The following NOSTRIN variants were observed in gnomAD, a reference collection of about 807,000 sequenced individuals.
The protein encoded by NOSTRIN is BM247 homolog.
NOSTRIN carries 63 observed loss-of-function variants against 59.0 expected under a neutral mutation model. That is an observed-to-expected ratio of 1.07 (90% CI 0.87 to 1.32). The LOEUF is 1.32. Ranked by LOEUF, NOSTRIN falls within the 40% of genes most tolerant of loss-of-function variation. The pLI is 0.00. For synonymous variants in NOSTRIN, 200 were observed against 165.4 expected, an observed-to-expected ratio of 1.21 and a Z score of -1.61; for missense variants, 512 against 473.1, an observed-to-expected ratio of 1.08 and a Z score of -0.76.
At chr2:168,826,921 G>C (rs191772218) in intron 3 of NOSTRIN, among the ~76,000 whole-genome samples, 8 of 152,000 alleles carry the variant, frequency 5.3e-5, no homozygotes, top group Admixed American at 4.6e-4. Flanking sequence ...CCTGCTTCCT[G>C]TCAATAGAGA....
chr2:168,825,213 C>A (rs191052521), intron 3 of NOSTRIN, among the ~76,000 whole-genome samples: 43 of 152,312 alleles, frequency 2.8e-4, no homozygotes, highest in African/African-American at 7.7e-4. Flanking sequence ...CCCATTTAAT[C>A]CTCATAAGAA....
At chr2:168,826,055 T>C (rs1297608036) in intron 3 of NOSTRIN, among the ~76,000 whole-genome samples, 1 of 152,246 alleles carries the variant, frequency 6.6e-6, no homozygotes, top group Non-Finnish European at 1.5e-5. Context: ...AAATTTATCT[T>C]ACCTCTCAAG....
intron 2 of NOSTRIN, chr2:168,818,300 T>A: frequency 2.8e-6 from 1 of 360,382 alleles, no homozygotes. Flanking sequence ...ACTGCAGGTG[T>A]GTGCCACTGC....
intron 6 of NOSTRIN, among the ~76,000 whole-genome samples, chr2:168,831,810 G>A (rs1687377426): frequency 6.6e-6 from 1 of 152,126 alleles, no homozygotes. Flanking sequence ...ATGTCATTGT[G>A]CATTGCCCCA....
intron 2 of NOSTRIN, among the ~76,000 whole-genome samples, chr2:168,823,165 A>C (rs1179811853): frequency 6.6e-6 from 1 of 152,052 alleles, no homozygotes; most frequent in Admixed American, 6.5e-5. Context: ...TACAGGCGTG[A>C]GCCACCACAC....
In NOSTRIN at chr2:168,854,281, T is replaced by G. The variant is rs552137670; in HGVS notation, c.856-1071T>G. Reference sequence around the variant, plus strand: ...CCTTTGCTCTAAATCCTCACACTTCTTGTTTGTGAAGCTCCATCTAAAGGT... The same window carrying G: ...CCTTTGCTCTAAATCCTCACACTTCGTGTTTGTGAAGCTCCATCTAAAGGT... On this transcript the variant is annotated intron_variant, in intron 10 of 15. Coordinates refer to ENST00000317647, the MANE Select transcript of NOSTRIN (RefSeq NM_001039724.4). Among the ~76,000 whole-genome samples the G allele has an allele frequency of 1.8e-4, 28 of 152,316 alleles. 2 individuals carry two copies. The South Asian group carries it at 5.2e-3, about 28-fold the overall frequency.
Position 168,859,777 on chromosome 2 carries a change from TTTTA to T in NOSTRIN, c.1179+144_1179+147del, listed in dbSNP as rs1469037127. 4.2e-6 allele frequency: 5 copies of T among 1,192,668 alleles called. 1 individual carries two copies. In the South Asian group the frequency reaches 5.5e-5, roughly 13 times the overall value. The allele number at this position is 1,192,668 out of a possible 1,614,324, so 73.9% of individuals were successfully genotyped here. ...TGCAGTTAGTTAAGAAGATAAATGT[TTTTA>T]TTTTTCTTTTGAGCACAATAACAAG... On this transcript the variant is annotated intron_variant, in intron 13 of 15. Transcript: ENST00000317647.
chr2:168,821,936 CT>C (rs1686765360), intron 2 of NOSTRIN, among the ~76,000 whole-genome samples: 1 of 152,186 alleles, frequency 6.6e-6, no homozygotes, highest in East Asian at 1.9e-4. Context: ...TAGACTTGGG[CT>C]CTCAACACAT....
chr2:168,834,515 A>ACGCG (rs1553527277), intron 7 of NOSTRIN, among the ~76,000 whole-genome samples, 190 bp downstream of exon 7: 4 of 144,932 alleles, frequency 2.8e-5, no homozygotes, highest in East Asian at 4.9e-4. Context: ...GCGCACACAC[A>ACGCG]CACACACACA....
chr2:168,817,221 A>G (rs1157574209), intron 2 of NOSTRIN, among the ~76,000 whole-genome samples: 2 of 152,210 alleles, frequency 1.3e-5, no homozygotes, highest in African/African-American at 4.8e-5. Flanking sequence ...CCCCAAGTGG[A>G]TAGGCAGTTT....
chr2:168,848,471 A>T (rs1688558084), intron 8 of NOSTRIN, among the ~76,000 whole-genome samples: 1 of 152,250 alleles, frequency 6.6e-6, no homozygotes, highest in African/African-American at 2.4e-5. Context: ...CAAAAGCTAA[A>T]GTTGCATGTG....
At chr2:168,822,041 G>T (rs1686770344) in intron 2 of NOSTRIN, among the ~76,000 whole-genome samples, 1 of 152,156 alleles carries the variant, frequency 6.6e-6, no homozygotes, top group Non-Finnish European at 1.5e-5. Flanking sequence ...GATCTCCTGG[G>T]GTTCCAGAGC....
chr2:168,860,896 T>C lies in NOSTRIN; in HGVS notation c.1281T>C (p.Gly427=). 1 of 1,611,040 alleles carries C rather than the reference T, an allele frequency of 6.2e-7. No individual in the cohort carries two copies. Among genetic ancestry groups the C allele is most frequent in the Non-Finnish European group, 8.5e-7 (1 of 1,177,228 alleles). The change falls in exon 14 of 16, where the codon GGT becomes GGC. Residue 427 remains glycine, a synonymous_variant. Coordinates refer to ENST00000317647, the MANE Select transcript of NOSTRIN (RefSeq NM_001039724.4). ...KASSGGQSNP[G]SSTPAPGAAQ... ...CTTCTGGTGGGCAGAGCAATCCAGGTTCTTCAACTCCAGGTAATCCCATGC... is the reference window on the plus strand; with the variant it reads ...CTTCTGGTGGGCAGAGCAATCCAGGCTCTTCAACTCCAGGTAATCCCATGC...
At chr2:168,820,644 C>A (rs2105592512) in intron 2 of NOSTRIN, among the ~76,000 whole-genome samples, 1 of 151,278 alleles carries the variant, frequency 6.6e-6, no homozygotes, top group East Asian at 2.0e-4. Context: ...GGTAGTTGAA[C>A]CTCTTTAGGC....
rs1688753565 is a variant in NOSTRIN at position 168,851,266 on chromosome 2, C to T, written c.730-13C>T. The T allele has an allele frequency of 6.2e-7, 1 of 1,613,694 alleles. No homozygotes were observed. The highest frequency in any genetic ancestry group is 1.3e-5 in the African/African-American group (1 of 75,024). ...TCTTCGACAACCTTATTCTGTTCCC[C>T]TTGGCATTGCAGTGCCACACGCAGA... is the stretch of plus-strand genomic sequence containing the variant. On this transcript the variant is annotated splice_polypyrimidine_tract_variant and intron_variant, in intron 9 of 15. Transcript: ENST00000317647.
At chr2:168,849,645 C>T (rs751162272) in intron 8 of NOSTRIN, among the ~76,000 whole-genome samples, 23 of 140,560 alleles carry the variant, frequency 1.6e-4, no homozygotes, top group Non-Finnish European at 2.7e-4. Flanking sequence ...CATGAGCCAC[C>T]GCACCTAGCC....
In NOSTRIN at chr2:168,837,298, A is replaced by G. The variant is rs199884925; in HGVS notation, c.504+2973A>G. On this transcript the variant is annotated intron_variant, in intron 7 of 15. Coordinates refer to ENST00000317647, the MANE Select transcript of NOSTRIN (RefSeq NM_001039724.4). ...TTTTTTTATAATACACTTTTTTAAC[A>G]TCTTTTTTTTTTTTTTTTTTTTTTT... Among the ~76,000 whole-genome samples, 427 of 84,546 alleles carry G rather than the reference A, an allele frequency of 5.1e-3. 15 individuals carry two copies. The East Asian group carries it at 0.074, about 15-fold the overall frequency. 55.5% of individuals were successfully genotyped at this position (84,546 alleles called of 152,430 possible).
At chr2:168,836,632 G>A (rs560780628) in intron 7 of NOSTRIN, among the ~76,000 whole-genome samples, 55 of 146,606 alleles carry the variant, frequency 3.8e-4, no homozygotes, top group Non-Finnish European at 5.5e-4. Flanking sequence ...CTAAACCTCC[G>A]TTCTCCTCAC....
At position 168,811,581 on chromosome 2, in the gene NOSTRIN, C is replaced by T. The variant is rs765477107; in HGVS notation, c.42C>T (p.Tyr14=). Residue 14 remains tyrosine (Y), a synonymous_variant, in exon 2 of 16, where the codon TAC becomes TAT. Transcript: ENST00000317647. ...PLTDCPYNKV[Y]KNLKEFSQNG... Reference sequence around the variant, plus strand: ...TTGTTTTTCAGTATAATAAAGTATACAAGAACCTAAAGGAGTTTTCTCAAA... The same window carrying T: ...TTGTTTTTCAGTATAATAAAGTATATAAGAACCTAAAGGAGTTTTCTCAAA... 124 of 856,210 alleles carry T rather than the reference C, an allele frequency of 1.4e-4. No homozygotes were observed. The highest frequency in any genetic ancestry group is 2.2e-4 in the Non-Finnish European group (110 of 495,078). 53.0% of individuals were successfully genotyped at this position (856,210 alleles called of 1,614,324 possible). A position where few individuals can be genotyped will look rare whatever the true frequency, so the allele number is the denominator to read the frequency against.
Sources: allele counts gnomAD v4.1 joint callset (sites outside exome capture counted in the v4.1 genomes callset), GRCh38; gene constraint gnomAD v4.1.1; transcripts MANE v1.5; gene names NCBI Gene and HGNC (gene_info 2026-07-23, HGNC 2026-07-21).